CFAP299: variants seen among roughly 807,000 people sequenced by gnomAD.
CFAP299 encodes the protein cilia- and flagella-associated protein 299.
In CFAP299, 21 loss-of-function variants were observed where a neutral mutation model predicts 27.0. The observed-to-expected ratio is 0.78, with a 90% CI of 0.55 to 1.12. The LOEUF (loss-of-function observed/expected upper bound fraction) is 1.12, where lower values mean the gene tolerates loss of function less well. Among genes scored for constraint, CFAP299 ranks in the 50% most tolerant of loss-of-function variants. CFAP299 has a pLI of 0.00. For missense variants in CFAP299, 310 were observed against 276.6 expected, an observed-to-expected ratio of 1.12 and a Z score of -0.86; for synonymous variants, 104 against 98.1, an observed-to-expected ratio of 1.06 and a Z score of -0.36.
At chr4:80,909,802 G>T (rs1161996123) in intron 4 of CFAP299, among the ~76,000 whole-genome samples, 1 of 151,926 alleles carries the variant, frequency 6.6e-6, no homozygotes, top group South Asian at 2.1e-4. Context: ...AATACAGAAA[G>T]CAGCATGCTT....
intron 2 of CFAP299, chr4:80,386,392 C>T (rs749006116): frequency 3.4e-4 from 526 of 1,531,376 alleles, no homozygotes; most frequent in Non-Finnish European, 4.4e-4. Context: ...GCCTCGGGCA[C>T]CAGACCAGCC....
intron 3 of CFAP299, among the ~76,000 whole-genome samples, chr4:80,596,664 A>G (rs921537547): frequency 2.6e-5 from 4 of 152,168 alleles, no homozygotes; most frequent in Admixed American, 6.5e-5. Flanking sequence ...AAATTACTGC[A>G]AAATGAACAA....
intron 2 of CFAP299, among the ~76,000 whole-genome samples, chr4:80,463,797 A>T (rs778924842): frequency 6.6e-6 from 1 of 152,118 alleles, no homozygotes; most frequent in African/African-American, 2.4e-5. Context: ...GGGGCCCACA[A>T]TTCAGTCCAT....
intron 2 of CFAP299, among the ~76,000 whole-genome samples, chr4:80,383,576 C>T (rs2110022259): frequency 6.6e-6 from 1 of 152,206 alleles, no homozygotes; most frequent in South Asian, 2.1e-4. Flanking sequence ...AAGAGCAACT[C>T]TGTTTTGACC....
intron 3 of CFAP299, among the ~76,000 whole-genome samples, chr4:80,744,965 A>G (rs1724499538): frequency 6.6e-6 from 1 of 152,138 alleles, no homozygotes; most frequent in South Asian, 2.1e-4. Context: ...TCCAGATACT[A>G]TGTGCCTTAG....
At chr4:80,818,551 T>C (rs950644886) in intron 3 of CFAP299, among the ~76,000 whole-genome samples, 1 of 152,146 alleles carries the variant, frequency 6.6e-6, no homozygotes, top group Non-Finnish European at 1.5e-5. Context: ...TTCTTTATAT[T>C]AGCCACTCAT....
rs367718282 is a variant in CFAP299 at position 80,944,927 on chromosome 4, T to C, written c.594T>C (p.Asn198=). 21 of 1,612,272 alleles carry C rather than the reference T, an allele frequency of 1.3e-5. No individual in the cohort carries two copies. Among genetic ancestry groups the C allele is most frequent in the Non-Finnish European group, 1.7e-5 (20 of 1,179,050 alleles). Residue 198 remains asparagine, a synonymous_variant, in exon 5 of 6, where the codon AAT becomes AAC. Transcript: ENST00000358105. Reference sequence around the variant, plus strand: ...ACAAAAGAGACAGAAAAATTCTTAATGTGGACCCAAAGGTAATTCTTCTTT... The same window carrying C: ...ACAAAAGAGACAGAAAAATTCTTAACGTGGACCCAAAGGTAATTCTTCTTT... ...FRYKRDRKIL[N]VDPKAQPGDN... is the part of the protein sequence containing the mutation.
chr4:80,496,732 G>C (rs140669581), intron 2 of CFAP299, among the ~76,000 whole-genome samples: 255 of 152,210 alleles, frequency 1.7e-3, no homozygotes, highest in African/African-American at 5.9e-3. Flanking sequence ...AAATACCAGA[G>C]ACTGGGTAAT....
intron 2 of CFAP299, among the ~76,000 whole-genome samples, chr4:80,580,847 T>G (rs529845853): frequency 1.3e-5 from 2 of 152,114 alleles, no homozygotes; most frequent in South Asian, 2.1e-4. Flanking sequence ...GTGTTACTTT[T>G]AAGCAGAAGC....
chr4:80,844,516 A>AT (rs1731054541), intron 3 of CFAP299, among the ~76,000 whole-genome samples: 2 of 152,148 alleles, frequency 1.3e-5, no homozygotes, highest in African/African-American at 4.8e-5. Flanking sequence ...GACGATGAGC[A>AT]TTTTTTCATG....
At chr4:80,892,132 A>G (rs1734338001) in intron 4 of CFAP299, among the ~76,000 whole-genome samples, 1 of 152,162 alleles carries the variant, frequency 6.6e-6, no homozygotes, top group Non-Finnish European at 1.5e-5. Flanking sequence ...AATAACTGAA[A>G]GAACATGGTA....
intron 1 of CFAP299, among the ~76,000 whole-genome samples, chr4:80,347,451 A>G (rs1054397455): frequency 6.6e-6 from 1 of 152,168 alleles, no homozygotes; most frequent in Non-Finnish European, 1.5e-5. Flanking sequence ...ATACAAAAGC[A>G]ATGTGCAAAA....
intron 2 of CFAP299, among the ~76,000 whole-genome samples, chr4:80,380,277 G>A (rs1366281521): frequency 6.6e-6 from 1 of 151,878 alleles, no homozygotes; most frequent in Non-Finnish European, 1.5e-5. Flanking sequence ...CATTTACAAA[G>A]CTTAAAATAA....
intron 2 of CFAP299, among the ~76,000 whole-genome samples, chr4:80,396,980 G>C (rs1162403837): frequency 6.6e-6 from 1 of 152,114 alleles, no homozygotes; most frequent in Non-Finnish European, 1.5e-5. Flanking sequence ...TGTACCTCTG[G>C]TAGAATTTGG....
chr4:80,754,501 C>G (rs1291340358), intron 3 of CFAP299, among the ~76,000 whole-genome samples: 3 of 151,700 alleles, frequency 2.0e-5, no homozygotes, highest in Non-Finnish European at 2.9e-5. Context: ...TTTTGTACTT[C>G]CATTCTTCCC....
At chr4:80,568,917 C>T (rs1294026034) in intron 2 of CFAP299, among the ~76,000 whole-genome samples, 2 of 152,088 alleles carry the variant, frequency 1.3e-5, no homozygotes, top group Non-Finnish European at 2.9e-5. Context: ...AGGATAATCT[C>T]TGTGTACTAT....
chr4:80,851,430 GAC>G (rs1731517193), intron 3 of CFAP299, among the ~76,000 whole-genome samples: 2 of 152,022 alleles, frequency 1.3e-5, no homozygotes, highest in Admixed American at 1.3e-4. Context: ...AAATAAGAAA[GAC>G]ACTATGCATT....
chr4:80,608,630 G>A (rs1465018458), intron 3 of CFAP299, among the ~76,000 whole-genome samples: 5 of 151,878 alleles, frequency 3.3e-5, no homozygotes, highest in Non-Finnish European at 7.4e-5. Flanking sequence ...AAGGAACTTA[G>A]GTTTTCACTT....
chr4:80,872,958 A>G (rs1362065497), intron 4 of CFAP299: 1 of 974,564 alleles, frequency 1.0e-6, no homozygotes, highest in Non-Finnish European at 1.2e-6. Flanking sequence ...GTCAGAAATC[A>G]GAAGTTCTGA....
Sources: allele counts gnomAD v4.1 joint callset (sites outside exome capture counted in the v4.1 genomes callset), GRCh38; gene constraint gnomAD v4.1.1; transcripts MANE v1.5; gene names NCBI Gene and HGNC (gene_info 2026-07-23, HGNC 2026-07-21).